Variants in N4BP2L2 observed in about 807,000 individuals in gnomAD.
N4BP2L2 encodes NEDD4-binding protein 2-like 2.
A neutral mutation model predicts 56.2 loss-of-function variants in N4BP2L2; 50 were observed. The ratio of observed to expected loss-of-function variants is 0.89; its 90% CI spans 0.71 to 1.13. The LOEUF is 1.13. N4BP2L2 is among the 50% of genes most tolerant of loss of function. N4BP2L2 has a pLI of 0.00. For missense variants in N4BP2L2, 689 were observed against 693.8 expected, an observed-to-expected ratio of 0.99 and a Z score of 0.08; for synonymous variants, 203 against 223.6, an observed-to-expected ratio of 0.91 and a Z score of 0.82.
intron 6 of N4BP2L2, among the ~76,000 whole-genome samples, chr13:32,495,659 G>A (rs2088405858): frequency 6.6e-6 from 1 of 152,074 alleles, no homozygotes; most frequent in Non-Finnish European, 1.5e-5. Flanking sequence ...ACCAGTGGCA[G>A]TGGCACCTCA....
rs1555265131 is a variant in N4BP2L2 at position 32,500,569 on chromosome 13, A to AAAT, written c.365+17287_365+17288insATT. On this transcript the variant is annotated intron_variant, in intron 6 of 9. Transcript: ENST00000357505. ...TACAAAAAAAAAAAAAAAAAAAAAAATAGCCAGGCATGGTGGCACATGCCT... is the reference window on the plus strand; with the variant it reads ...TACAAAAAAAAAAAAAAAAAAAAAAAAATTAGCCAGGCATGGTGGCACATGCCT... 2.1e-3 allele frequency among the ~76,000 whole-genome samples: 287 copies of AAAT among 134,598 alleles called. 8 individuals carry two copies. The highest frequency in any genetic ancestry group is 3.9e-3 in the Middle Eastern group (1 of 258). The allele number at this position is 134,598 out of a possible 152,430, so 88.3% of individuals were successfully genotyped here. A position where few individuals can be genotyped will look rare whatever the true frequency, so the allele number is the denominator to read the frequency against.
At chr13:32,510,380 A>G (rs571752903) in exon 6 of N4BP2L2, 1 of 152,288 alleles carries the variant, frequency 6.6e-6, no homozygotes, top group African/African-American at 2.4e-5. Flanking sequence ...GCCTTACAGT[A>G]CAACAGTATA....
At chr13:32,524,757 AGTTTGTTT>A (rs113491635) in intron 3 of N4BP2L2, 1 of 151,846 alleles carries the variant, frequency 6.6e-6, no homozygotes, top group Admixed American at 6.6e-5. Flanking sequence ...ATTCTGTACT[AGTTTGTTT>A]GTTTGTTTGT....
chr13:32,457,079 C>A (rs1195321280), intron 6 of N4BP2L2, among the ~76,000 whole-genome samples: 1 of 152,176 alleles, frequency 6.6e-6, no homozygotes, highest in Non-Finnish European at 1.5e-5. Flanking sequence ...GTGGAGGTTA[C>A]AGTGAGCTGA....
downstream of N4BP2L2, chr13:32,508,835 T>G (rs1268883701): frequency 6.6e-6 from 1 of 152,178 alleles, no homozygotes; most frequent in South Asian, 2.1e-4. Flanking sequence ...AAAAAGTGAT[T>G]ATGAACTTTT....
intron 6 of N4BP2L2, among the ~76,000 whole-genome samples, chr13:32,454,337 T>G (rs1183003680): frequency 6.6e-6 from 1 of 152,220 alleles, no homozygotes; most frequent in South Asian, 2.1e-4. Context: ...AAGACTTCAG[T>G]AGAATATAGA....
intron 1 of N4BP2L2, among the ~76,000 whole-genome samples, chr13:32,537,986 C>T (rs1444642867): frequency 6.8e-6 from 1 of 146,978 alleles, no homozygotes; most frequent in African/African-American, 2.5e-5. Flanking sequence ...GGGAGGATCG[C>T]TTGAACCCGG....
exon 6 of N4BP2L2, chr13:32,514,624 A>G (rs1421630456): frequency 6.6e-6 from 1 of 151,962 alleles, no homozygotes; most frequent in Non-Finnish European, 1.5e-5. Context: ...ATACAACAGA[A>G]AGAGACCTCA....
chr13:32,517,071 T>C lies in N4BP2L2; in HGVS notation c.*731A>G, dbSNP rs575348591. ...ATTTTTATACTAGAATTATATCACA[T>C]TAAATTGAACAGAGAGAAGTAAAAC... On this transcript the variant is annotated 3_prime_UTR_variant, in exon 6 of 6. Transcript: ENST00000267068. 19 of 975,042 alleles carry C rather than the reference T, an allele frequency of 1.9e-5. No homozygotes were observed. In the South Asian group the frequency reaches 6.6e-4, roughly 34 times the overall value. The allele number at this position is 975,042 out of a possible 1,614,324, so 60.4% of individuals were successfully genotyped here.
exon 7 of N4BP2L2, chr13:32,443,668 C>T (rs1293322944): frequency 6.2e-7 from 1 of 1,610,272 alleles, no homozygotes; most frequent in Non-Finnish European, 8.5e-7. Flanking sequence ...CATGCCAGAG[C>T]AGTCATCAGT....
chr13:32,528,691 T>C (rs543431714), intron 2 of N4BP2L2, among the ~76,000 whole-genome samples: 2 of 152,256 alleles, frequency 1.3e-5, no homozygotes, highest in African/African-American at 2.4e-5. Context: ...CTGTATAATT[T>C]TGAGGGGATT....
chr13:32,526,818 GTTTTTTTTTTTTTTTT>G (rs35925361), intron 3 of N4BP2L2: 1 of 24,236 alleles, frequency 4.1e-5, no homozygotes, highest in Non-Finnish European at 7.9e-5. Context: ...CTTTTTGTCT[GTTTTTTTTTTTTTTTT>G]TTTTTTTTTT....
intron 6 of N4BP2L2, among the ~76,000 whole-genome samples, chr13:32,460,965 T>C (rs116191940): frequency 0.044 from 6,675 of 152,254 alleles, 243 homozygotes; most frequent in African/African-American, 0.11. Flanking sequence ...TCCATGTATT[T>C]ACAGCCAAAT....
chr13:32,468,845 C>T (rs1399498539), intron 6 of N4BP2L2, among the ~76,000 whole-genome samples: 1 of 152,236 alleles, frequency 6.6e-6, no homozygotes, highest in Non-Finnish European at 1.5e-5. Flanking sequence ...GGAGAGCCAG[C>T]TTGGCTTGTG....
chr13:32,536,782 C>G (rs1566200100), exon 2 of N4BP2L2: 1 of 1,614,134 alleles, frequency 6.2e-7, no homozygotes, highest in Non-Finnish European at 8.5e-7. Flanking sequence ...TCTCATCATG[C>G]AAAGGTCTAT....
At chr13:32,526,215 G>A (rs557019268) in intron 3 of N4BP2L2, among the ~76,000 whole-genome samples, 1 of 152,224 alleles carries the variant, frequency 6.6e-6, no homozygotes, top group East Asian at 1.9e-4. Context: ...AATGGTATGA[G>A]AGTTAAAAGA....
intron 6 of N4BP2L2, among the ~76,000 whole-genome samples, chr13:32,469,776 G>A (rs954123426): frequency 1.3e-5 from 2 of 152,254 alleles, no homozygotes; most frequent in African/African-American, 2.4e-5. Flanking sequence ...GACGATGAAA[G>A]TCAAGTATAG....
chr13:32,461,343 G>A (rs896219692), intron 6 of N4BP2L2, among the ~76,000 whole-genome samples: 1 of 152,044 alleles, frequency 6.6e-6, no homozygotes, highest in African/African-American at 2.4e-5. Context: ...ATGAATGGAA[G>A]AAAATATTTG....
At chr13:32,491,734 C>G (rs994116766) in intron 6 of N4BP2L2, among the ~76,000 whole-genome samples, 3 of 150,856 alleles carry the variant, frequency 2.0e-5, no homozygotes, top group Non-Finnish European at 4.4e-5. Context: ...CGGGTTCAAG[C>G]GATTCCCCTG....
Sources: allele counts gnomAD v4.1 joint callset (sites outside exome capture counted in the v4.1 genomes callset), GRCh38; gene constraint gnomAD v4.1.1; transcripts MANE v1.5; gene names NCBI Gene and HGNC (gene_info 2026-07-23, HGNC 2026-07-21).